Variants in TOM1L2 observed in about 807,000 individuals in gnomAD.
TOM1L2 encodes target of myb1 like 2 membrane trafficking protein.
TOM1L2 carries 31 observed loss-of-function variants against 67.9 expected under a neutral mutation model. The ratio of observed to expected loss-of-function variants is 0.46; its 90% CI spans 0.34 to 0.62. The LOEUF (loss-of-function observed/expected upper bound fraction) is 0.62. Among genes scored for constraint, TOM1L2 ranks in the 20% least tolerant of loss-of-function variants. The pLI, the probability that TOM1L2 is intolerant of heterozygous loss-of-function variation, is 0.01. For missense variants in TOM1L2, 606 were observed against 663.5 expected, an observed-to-expected ratio of 0.91 and a Z score of 0.95; for synonymous variants, 256 against 254.0, an observed-to-expected ratio of 1.01 and a Z score of -0.07.
chr17:17,903,121 A>G (rs960155652), intron 2 of TOM1L2, among the ~76,000 whole-genome samples: 1 of 152,208 alleles, frequency 6.6e-6, no homozygotes, highest in Admixed American at 6.5e-5. Context: ...CCCAAGGCTG[A>G]CCACTGCCAC....
At chr17:17,955,806 G>C (rs994125070) in intron 1 of TOM1L2, among the ~76,000 whole-genome samples, 1 of 152,120 alleles carries the variant, frequency 6.6e-6, no homozygotes, top group African/African-American at 2.4e-5. Flanking sequence ...TGTTCCTTCT[G>C]ATGTTCAGCT....
At position 17,850,898 on chromosome 17, in the gene TOM1L2, C is replaced by T. The variant is rs770932579; in HGVS notation, c.1333G>A (p.Asp445Asn). The T allele has an allele frequency of 3.7e-6, 6 of 1,614,046 alleles. No homozygotes were observed. The highest frequency in any genetic ancestry group is 1.3e-5 in the African/African-American group (1 of 75,074). Reference sequence around the variant, plus strand: ...ATAGAAAAGTCGAGTCTCACCAGGTCGGTCCTGAGCCACACCTCAATGTCG... The same window carrying T: ...ATAGAAAAGTCGAGTCTCACCAGGTTGGTCCTGAGCCACACCTCAATGTCG... The part of the protein sequence containing the change: ...MDDIEVWLRT[D>N]LKGDDLEEGV... Residue 445 changes from aspartate to asparagine, a missense_variant, in exon 13 of 15, where the codon GAC becomes AAC. Asp to Asn is a conservative substitution (Grantham distance 23, BLOSUM62 1). Coordinates refer to ENST00000379504, the MANE Select transcript of TOM1L2 (RefSeq NM_001082968.2).
intron 1 of TOM1L2, among the ~76,000 whole-genome samples, chr17:17,924,993 T>G (rs1437047459): frequency 1.3e-5 from 2 of 152,166 alleles, no homozygotes; most frequent in African/African-American, 2.4e-5. Context: ...CAATATCTGG[T>G]CAGTTAAAAG....
chr17:17,879,967 C>T (rs1280783430), intron 6 of TOM1L2, among the ~76,000 whole-genome samples: 4 of 152,288 alleles, frequency 2.6e-5, no homozygotes, highest in African/African-American at 7.2e-5. Context: ...GTCTGTTGTG[C>T]CTCTCTGACT....
chr17:17,921,549 A>T (rs1188092220), intron 1 of TOM1L2, among the ~76,000 whole-genome samples: 2 of 152,086 alleles, frequency 1.3e-5, no homozygotes, highest in African/African-American at 4.8e-5. Flanking sequence ...GGGGGAGGAA[A>T]GGCCTCTGCA....
chr17:17,907,560 C>T lies in TOM1L2; in HGVS notation c.53-29G>A, dbSNP rs374075561. 4.5e-4 allele frequency: 724 copies of T among 1,604,788 alleles called. 2 individuals are homozygous for T. In the Middle Eastern group the frequency reaches 4.6e-3, roughly 10 times the overall value. On this transcript the variant is annotated intron_variant, in intron 1 of 14. Transcript: ENST00000379504. ...TGAAATCAGAGAGAAAATGGGTTTA[C>T]ATTTCTCCTGGAATAAGTGGGCCTT...
At chr17:17,957,172 G>A (rs1286210730) in intron 1 of TOM1L2, among the ~76,000 whole-genome samples, 1 of 152,114 alleles carries the variant, frequency 6.6e-6, no homozygotes, top group East Asian at 1.9e-4. Context: ...GTAGAAACAG[G>A]GTCTTGCTAT....
chr17:17,882,664 T>C (rs773262232), intron 6 of TOM1L2, 41 bp downstream of exon 6: 80 of 1,603,538 alleles, frequency 5.0e-5, no homozygotes, highest in Non-Finnish European at 6.3e-5. Context: ...TGAAAAAGGA[T>C]AGTCAGCTGG....
At chr17:17,854,514 GTTAT>G (rs907925440) in intron 12 of TOM1L2, among the ~76,000 whole-genome samples, 6 of 151,668 alleles carry the variant, frequency 4.0e-5, no homozygotes, top group Admixed American at 6.6e-5. Flanking sequence ...TATTTATTTA[GTTAT>G]TTATTTAATT....
intron 7 of TOM1L2, among the ~76,000 whole-genome samples, chr17:17,872,414 C>T (rs192130442): frequency 9.2e-5 from 14 of 152,322 alleles, no homozygotes; most frequent in Non-Finnish European, 1.9e-4. Context: ...TTAACTTTGA[C>T]AGACCATCCT....
intron 7 of TOM1L2, among the ~76,000 whole-genome samples, chr17:17,870,886 T>C (rs1427405682): frequency 6.6e-6 from 1 of 152,146 alleles, no homozygotes. Context: ...CAGTGGGGAA[T>C]CAAAGGCATC....
intron 1 of TOM1L2, among the ~76,000 whole-genome samples, chr17:17,963,117 A>G (rs1487055342): frequency 1.3e-5 from 2 of 152,164 alleles, no homozygotes; most frequent in African/African-American, 4.8e-5. Context: ...CCCCTGTAAG[A>G]TGTGATGGTG....
At position 17,845,244 on chromosome 17, in the gene TOM1L2, CTT is replaced by C. The variant is rs1313702238; in HGVS notation, c.*2389_*2390del. 6.6e-6 allele frequency: 1 copy of C among 152,240 alleles called. No homozygotes were observed. Among genetic ancestry groups the C allele is most frequent in the Admixed American group, 6.5e-5 (1 of 15,294 alleles). 9.4% of individuals were successfully genotyped at this position (152,240 alleles called of 1,614,324 possible). A position where few individuals can be genotyped will look rare whatever the true frequency, so the allele number is the denominator to read the frequency against. On this transcript the variant is annotated 3_prime_UTR_variant, in exon 15 of 15. Coordinates refer to ENST00000379504, the MANE Select transcript of TOM1L2 (RefSeq NM_001082968.2). ...CTCCAGGCTAGGAAGGCAGGTGACA[CTT>C]GTCAGCATGGCCAATGGCCTCCTGC...
At chr17:17,869,227 A>G in intron 8 of TOM1L2, 113 bp downstream of exon 8, 1 of 1,540,110 alleles carries the variant, frequency 6.5e-7, no homozygotes, top group Non-Finnish European at 8.7e-7. Context: ...AGTATTTTCC[A>G]ACTCTAATCT....
At chr17:17,944,464 C>G (rs1462206108) in intron 1 of TOM1L2, among the ~76,000 whole-genome samples, 12 of 152,216 alleles carry the variant, frequency 7.9e-5, no homozygotes. Flanking sequence ...CCCTTCACCT[C>G]CATGGCTGCA....
In TOM1L2 at chr17:17,940,979, T is replaced by C. The variant is rs377205086; in HGVS notation, c.52+31283A>G. 2.6e-4 allele frequency among the ~76,000 whole-genome samples: 40 copies of C among 152,318 alleles called. No homozygotes were observed. In the South Asian group the frequency reaches 5.8e-3, roughly 22 times the overall value. ...AATCATACTTGTAAGATTTGTACCA[T>C]TGGGATTCTCAATCTTCTGCTAAAA... On this transcript the variant is annotated intron_variant, in intron 1 of 14. Coordinates refer to ENST00000379504, the MANE Select transcript of TOM1L2 (RefSeq NM_001082968.2).
intron 1 of TOM1L2, among the ~76,000 whole-genome samples, chr17:17,946,623 A>G (rs2040963097): frequency 6.6e-6 from 1 of 152,184 alleles, no homozygotes; most frequent in Non-Finnish European, 1.5e-5. Context: ...GTTTTTTGCT[A>G]AACCACAAGT....
intron 12 of TOM1L2, chr17:17,857,885 T>A (rs1358678102): frequency 3.3e-6 from 5 of 1,526,736 alleles, no homozygotes; most frequent in East Asian, 4.9e-5. Context: ...GCAAGACCCA[T>A]GAGAAAGAAG....
At chr17:17,873,381 C>G (rs570386834) in intron 7 of TOM1L2, among the ~76,000 whole-genome samples, 5 of 152,220 alleles carry the variant, frequency 3.3e-5, no homozygotes, top group Admixed American at 3.3e-4. Context: ...CCACCCTCCT[C>G]AAGACTCCCA....
Sources: allele counts gnomAD v4.1 joint callset (sites outside exome capture counted in the v4.1 genomes callset), GRCh38; gene constraint gnomAD v4.1.1; transcripts MANE v1.5; gene names NCBI Gene and HGNC (gene_info 2026-07-23, HGNC 2026-07-21).